SSH2: variants seen among roughly 807,000 people sequenced by gnomAD.
The protein encoded by SSH2 is slingshot protein phosphatase 2.
SSH2 carries 37 observed loss-of-function variants against 135.2 expected under a neutral mutation model. The observed-to-expected ratio is 0.27, with a 90% confidence interval of 0.21 to 0.36. SSH2 has a LOEUF of 0.36. Ranked by LOEUF, SSH2 falls within the 10% of genes least tolerant of loss-of-function variation. The pLI is 1.00. For synonymous variants in SSH2, 628 were observed against 646.2 expected, an observed-to-expected ratio of 0.97 and a Z score of 0.43; for missense variants, 1,408 against 1,765.3, an observed-to-expected ratio of 0.80 and a Z score of 3.63.
At chr17:29,904,463 A>G (rs2066617462) in intron 1 of SSH2, among the ~76,000 whole-genome samples, 1 of 152,228 alleles carries the variant, frequency 6.6e-6, no homozygotes, top group East Asian at 1.9e-4. Context: ...CCTTCAGGTT[A>G]AAAACTCTCA....
Position 29,719,527 on chromosome 17 carries a change from A to G in SSH2, c.189-16465T>C, listed in dbSNP as rs1229137423. ...AAGACTCTGTCTCAAAAGAAAAAAA[A>G]AAAAGAAAAAAAAAAGAAAAGGGGA... On this transcript the variant is annotated intron_variant, in intron 3 of 15. Coordinates refer to ENST00000540801, the MANE Select transcript of SSH2 (RefSeq NM_001282129.2). Among the ~76,000 whole-genome samples the G allele has an allele frequency of 2.0e-5, 3 of 151,974 alleles. 1 individual carries two copies. Among genetic ancestry groups the G allele is most frequent in the Non-Finnish European group, 1.5e-5 (1 of 67,962 alleles).
At chr17:29,728,261 C>A (rs899265730) in intron 3 of SSH2, among the ~76,000 whole-genome samples, 1 of 152,112 alleles carries the variant, frequency 6.6e-6, no homozygotes, top group Admixed American at 6.5e-5. Context: ...TATATGCCAA[C>A]AGCAAACAAT....
intron 2 of SSH2, among the ~76,000 whole-genome samples, chr17:29,835,250 A>G (rs2042923509): frequency 1.3e-5 from 2 of 152,256 alleles, no homozygotes; most frequent in African/African-American, 4.8e-5. Flanking sequence ...GGCAAAAAGA[A>G]TAAGTGGACA....
At chr17:29,645,991 C>G (rs963616646) in intron 14 of SSH2, 2 of 152,122 alleles carry the variant, frequency 1.3e-5, no homozygotes, top group African/African-American at 4.8e-5. Flanking sequence ...GAGTCAAGAC[C>G]AAATCATAAG....
intron 2 of SSH2, among the ~76,000 whole-genome samples, chr17:29,803,350 G>A (rs2042284445): frequency 1.3e-5 from 2 of 152,144 alleles, no homozygotes; most frequent in South Asian, 2.1e-4. Context: ...TCATTCACAT[G>A]TCTAATGTCA....
chr17:29,680,347 C>T (rs1236324160), intron 6 of SSH2, among the ~76,000 whole-genome samples: 1 of 151,476 alleles, frequency 6.6e-6, no homozygotes, highest in African/African-American at 2.4e-5. Flanking sequence ...GAGTTCAAGA[C>T]CAGCCTGGCC....
chr17:29,642,234 C>G (rs2036192391), intron 14 of SSH2, among the ~76,000 whole-genome samples: 1 of 152,080 alleles, frequency 6.6e-6, no homozygotes, highest in African/African-American at 2.4e-5. Context: ...CTAACTAGAC[C>G]TCAGTGTCTC....
chr17:29,641,452 T>TACAGTCTCAGATGATCCTGGATG (rs555980757), intron 14 of SSH2, among the ~76,000 whole-genome samples: 81 of 152,346 alleles, frequency 5.3e-4, no homozygotes, highest in Admixed American at 2.9e-3. Flanking sequence ...TCCTGGATGA[T>TACAGTCTCAGATGATCCTGGATG]ATAACCAAGT....
chr17:29,900,416 G>T (rs996752796), intron 1 of SSH2, among the ~76,000 whole-genome samples: 12 of 152,132 alleles, frequency 7.9e-5, no homozygotes, highest in African/African-American at 2.7e-4. Context: ...AATCTACAAA[G>T]AACTCAAACA....
At chr17:29,658,973 T>C (rs1486698673) in intron 11 of SSH2, among the ~76,000 whole-genome samples, 1 of 152,056 alleles carries the variant, frequency 6.6e-6, no homozygotes, top group African/African-American at 2.4e-5. Flanking sequence ...ATTTACTCTA[T>C]TTTGAAAAAA....
intron 2 of SSH2, among the ~76,000 whole-genome samples, chr17:29,812,954 A>T (rs534382620): frequency 6.6e-6 from 1 of 152,194 alleles, no homozygotes; most frequent in African/African-American, 2.4e-5. Context: ...AAGTGTATAC[A>T]GAGAGAGGGA....
intron 2 of SSH2, among the ~76,000 whole-genome samples, chr17:29,821,708 G>A (rs1191908236): frequency 2.7e-5 from 4 of 150,886 alleles, no homozygotes; most frequent in Non-Finnish European, 5.9e-5. Flanking sequence ...GCAGCGGCGC[G>A]ATCTCGGCTC....
chr17:29,650,837 C>T (rs1368448104), intron 12 of SSH2, 37 bp from the exon 13 acceptor site: 19 of 1,537,754 alleles, frequency 1.2e-5, no homozygotes, highest in Non-Finnish European at 1.7e-5. Flanking sequence ...TGCTCTACTA[C>T]TCAGGCTAAA....
chr17:29,802,526 T>C (rs542923553), intron 2 of SSH2, among the ~76,000 whole-genome samples: 7 of 144,896 alleles, frequency 4.8e-5, no homozygotes, highest in African/African-American at 1.8e-4. Context: ...CTCATGCCTG[T>C]AATCTCAGCA....
intron 5 of SSH2, among the ~76,000 whole-genome samples, chr17:29,690,404 CAAAA>C (rs1272605484): frequency 3.3e-5 from 3 of 90,330 alleles, no homozygotes; most frequent in African/African-American, 3.6e-5. Flanking sequence ...AACTCTGTCT[CAAAA>C]AAAAAAAAAA....
intron 8 of SSH2, chr17:29,673,758 A>T (rs111509676): frequency 1.2e-5 from 3 of 247,192 alleles, no homozygotes; most frequent in African/African-American, 4.5e-5. Flanking sequence ...ATAATAAACA[A>T]AGATATGACC....
rs534243488 is a variant in SSH2, at chr17:29,930,194, G to A, written c.-194C>T. On this transcript the variant is annotated 5_prime_UTR_variant, in exon 1 of 16. Transcript: ENST00000540801. ...TCGCCGACTGACGCTCCGAACGGGC[G>A]GCGGGCGGGCGGTTCCGCAGCTGCG... The A allele has an allele frequency of 8.7e-6, 5 of 571,740 alleles. No homozygotes were observed. The highest frequency in any genetic ancestry group is 6.8e-5 in the Admixed American group (2 of 29,456). 35.4% of individuals were successfully genotyped at this position (571,740 alleles called of 1,614,324 possible). A position where few individuals can be genotyped will look rare whatever the true frequency, so the allele number is the denominator to read the frequency against.
intron 1 of SSH2, among the ~76,000 whole-genome samples, chr17:29,927,914 G>A (rs775607410): frequency 6.6e-6 from 1 of 152,156 alleles, no homozygotes; most frequent in East Asian, 1.9e-4. Context: ...AATTACCTAT[G>A]TCAAAAGTGA....
chr17:29,884,071 C>T lies in SSH2; in HGVS notation c.64-35142G>A, dbSNP rs116090316. 9.9e-3 allele frequency among the ~76,000 whole-genome samples: 1,507 copies of T among 152,224 alleles called. 17 individuals are homozygous for T. Among genetic ancestry groups the T allele is most frequent in the African/African-American group, 0.032 (1,338 of 41,498 alleles). On this transcript the variant is annotated intron_variant, in intron 1 of 15. Transcript: ENST00000540801. ...TCAAGCAATCCTCCCACCTTGGCTT[C>T]CACAAGTGCTGGGATTACAGGTGTG...
Sources: allele counts gnomAD v4.1 joint callset (sites outside exome capture counted in the v4.1 genomes callset), GRCh38; gene constraint gnomAD v4.1.1; transcripts MANE v1.5; gene names NCBI Gene and HGNC (gene_info 2026-07-23, HGNC 2026-07-21).